Variants in IGSF21 observed in about 807,000 individuals in gnomAD.
IGSF21 encodes immunoglobin superfamily member 21, also known as immunoglobulin superfamily member 21.
IGSF21 carries 28 observed loss-of-function variants against 46.8 expected under a neutral mutation model. The ratio of observed to expected loss-of-function variants is 0.60; its 90% CI spans 0.44 to 0.82. The LOEUF (loss-of-function observed/expected upper bound fraction) is 0.82. IGSF21 is among the 40% of genes least tolerant of loss of function. The probability of loss-of-function intolerance (pLI) is 0.00; values close to 1 mark genes in which losing one functional copy is unlikely to be tolerated. For synonymous variants in IGSF21, 284 were observed against 273.6 expected (o/e 1.04, Z -0.38); for missense variants, 624 against 665.5 (o/e 0.94, Z 0.69).
chr1:18,228,092 G>C, intron 2 of IGSF21, 82 bp downstream of exon 2: 15 of 1,082,864 alleles, frequency 1.4e-5, no homozygotes, highest in Non-Finnish European at 2.1e-5. Context: ...ACCCTCACTG[G>C]TGTGGCTATG....
At chr1:18,317,928 T>C (rs1484057708) in intron 3 of IGSF21, among the ~76,000 whole-genome samples, 1 of 152,164 alleles carries the variant, frequency 6.6e-6, no homozygotes, top group African/African-American at 2.4e-5. Flanking sequence ...AGTGACTTAC[T>C]CCAGGTCACG....
At chr1:18,241,640 C>T (rs565888563) in intron 2 of IGSF21, among the ~76,000 whole-genome samples, 1 of 152,140 alleles carries the variant, frequency 6.6e-6, no homozygotes, top group Non-Finnish European at 1.5e-5. Flanking sequence ...GCGCTGAATC[C>T]CTCTGGCTTG....
chr1:18,203,501 G>T (rs1437974093), intron 1 of IGSF21, among the ~76,000 whole-genome samples: 1 of 152,200 alleles, frequency 6.6e-6, no homozygotes, highest in Non-Finnish European at 1.5e-5. Context: ...TAGAGACAGG[G>T]TTTCACCATG....
chr1:18,274,812 G>T (rs2085083560), intron 2 of IGSF21, among the ~76,000 whole-genome samples: 1 of 152,128 alleles, frequency 6.6e-6, no homozygotes, highest in Non-Finnish European at 1.5e-5. Flanking sequence ...GATCACTTGA[G>T]GTCAGGAGTT....
chr1:18,278,735 T>A (rs1255343826), intron 2 of IGSF21: 2 of 429,032 alleles, frequency 4.7e-6, no homozygotes, highest in Non-Finnish European at 9.6e-6. Context: ...CTGATATTTT[T>A]TGTAGAGATG....
intron 1 of IGSF21, among the ~76,000 whole-genome samples, chr1:18,155,726 G>T (rs558701895): frequency 5.4e-4 from 83 of 152,350 alleles, no homozygotes; most frequent in Middle Eastern, 3.4e-3. Flanking sequence ...AACTGCTGGT[G>T]CAGTGTTGAG....
chr1:18,266,103 A>G (rs1277797315), intron 2 of IGSF21, among the ~76,000 whole-genome samples: 6 of 152,304 alleles, frequency 3.9e-5, no homozygotes, highest in South Asian at 4.1e-4. Context: ...ATTATTATGA[A>G]TAATATTGAT....
chr1:18,279,026 T>A, intron 2 of IGSF21: 1 of 414,556 alleles, frequency 2.4e-6, no homozygotes, highest in South Asian at 1.9e-5. Flanking sequence ...ATCTGTCAAA[T>A]GCAGACAGCA....
chr1:18,179,339 C>T (rs1217205698), intron 1 of IGSF21: 1 of 152,228 alleles, frequency 6.6e-6, no homozygotes, highest in African/African-American at 2.4e-5. Context: ...GACTCCCACC[C>T]CCATCCCTCA....
At chr1:18,261,287 A>C (rs900133492) in intron 2 of IGSF21, among the ~76,000 whole-genome samples, 2 of 152,200 alleles carry the variant, frequency 1.3e-5, no homozygotes, top group East Asian at 1.9e-4. Context: ...GAGGAGACAG[A>C]GAAGAAAAGC....
intron 1 of IGSF21, among the ~76,000 whole-genome samples, chr1:18,177,744 G>A (rs2086816861): frequency 6.6e-6 from 1 of 152,160 alleles, no homozygotes. Flanking sequence ...GGGAGTGGGT[G>A]TGTTTGGGTG....
intron 4 of IGSF21, among the ~76,000 whole-genome samples, chr1:18,355,664 T>A (rs2086008233): frequency 6.6e-6 from 1 of 151,804 alleles, no homozygotes; most frequent in African/African-American, 2.4e-5. Context: ...GGGGCAGAGA[T>A]CAGTGGATTT....
chr1:18,292,067 C>A, intron 3 of IGSF21, 80 bp downstream of exon 3: 2 of 1,417,150 alleles, frequency 1.4e-6, no homozygotes, highest in Non-Finnish European at 2.0e-6. Flanking sequence ...GTTCTCCAGC[C>A]CTTTCACATC....
chr1:18,207,919 CAT>C (rs1402164715), intron 1 of IGSF21, among the ~76,000 whole-genome samples: 1 of 152,040 alleles, frequency 6.6e-6, no homozygotes, highest in Non-Finnish European at 1.5e-5. Flanking sequence ...GGCCTCCCCA[CAT>C]GTTTGTGGGA....
intron 1 of IGSF21, among the ~76,000 whole-genome samples, chr1:18,198,176 A>G (rs969691045): frequency 7.2e-5 from 11 of 152,224 alleles, no homozygotes; most frequent in South Asian, 2.1e-4. Flanking sequence ...TCTGTCTCGA[A>G]GTGAACACGG....
At position 18,376,719 on chromosome 1, in the gene IGSF21, G is replaced by C. The variant is rs2086284124; in HGVS notation, c.1102-81G>C. 14 of 1,382,502 alleles carry C rather than the reference G, an allele frequency of 1.0e-5. No individual in the cohort carries two copies. The South Asian group carries it at 1.4e-4, about 13-fold the overall frequency. 85.6% of individuals were successfully genotyped at this position (1,382,502 alleles called of 1,614,324 possible). A position where few individuals can be genotyped will look rare whatever the true frequency, so the allele number is the denominator to read the frequency against. ...CGGATGAGAATGCTGTGCCACCCCT[G>C]GCCAGGCAGCCCCTGACCCCTTGCT... On this transcript the variant is annotated intron_variant, in intron 7 of 9. Coordinates refer to ENST00000251296, the MANE Select transcript of IGSF21 (RefSeq NM_032880.5).
At chr1:18,138,437 T>C (rs1468205444) in intron 1 of IGSF21, among the ~76,000 whole-genome samples, 1 of 152,136 alleles carries the variant, frequency 6.6e-6, no homozygotes, top group Non-Finnish European at 1.5e-5. Context: ...TATTGCTTGC[T>C]TTTGGGGTTC....
At chr1:18,136,909 T>A (rs1027442530) in intron 1 of IGSF21, among the ~76,000 whole-genome samples, 2 of 152,256 alleles carry the variant, frequency 1.3e-5, no homozygotes, top group African/African-American at 4.8e-5. Context: ...TTCTTCCATT[T>A]GTTTGTATCC....
chr1:18,345,584 A>G (rs1302988900), intron 4 of IGSF21, among the ~76,000 whole-genome samples: 2 of 152,052 alleles, frequency 1.3e-5, no homozygotes, highest in Admixed American at 6.5e-5. Flanking sequence ...ATGTTTCTCC[A>G]TGTTGGCCAG....
Sources: gnomAD v4.1 joint callset for allele counts (sites outside exome capture counted in the v4.1 genomes callset) on GRCh38, gnomAD v4.1.1 for gene constraint, MANE v1.5 for transcripts, NCBI Gene and HGNC (gene_info 2026-07-23, HGNC 2026-07-21) for gene names.